COL7A1: variants seen among roughly 807,000 people sequenced by gnomAD.
COL7A1 encodes the protein collagen alpha-1(VII) chain.
A neutral mutation model predicts 456.2 loss-of-function variants in COL7A1; 296 were observed. That is an observed-to-expected ratio of 0.65 (90% CI 0.59 to 0.71). The LOEUF (loss-of-function observed/expected upper bound fraction) is 0.71. Among genes scored for constraint, COL7A1 ranks in the 30% least tolerant of loss-of-function variants. The probability of loss-of-function intolerance (pLI) is 0.00; values close to 1 mark genes in which losing one functional copy is unlikely to be tolerated. For synonymous variants in COL7A1, 1,464 were observed against 1,525.9 expected (o/e 0.96, Z 0.95); for missense variants, 3,441 against 4,017.2 (o/e 0.86, Z 3.88).
chr3:48,571,915 C>A lies in COL7A1; in HGVS notation c.7068+86G>T. On this transcript the variant is annotated intron_variant, in intron 92 of 118. Transcript: ENST00000681320. The surrounding 1 kb of genome is among the most constrained non-coding windows in gnomAD (Gnocchi z 4.6). The stretch of plus-strand genomic sequence containing the variant: ...ATGCAGCCCGACTCAGGGGCTCAGA[C>A]ATGTGCCCCGGCCCAAGAGTGGCCC... 1 of 1,502,896 alleles carries A rather than the reference C, an allele frequency of 6.7e-7. No homozygotes were observed. Among genetic ancestry groups the A allele is most frequent in the Admixed American group, 1.8e-5 (1 of 54,398 alleles). 93.1% of individuals were successfully genotyped at this position (1,502,896 alleles called of 1,614,324 possible). A position where few individuals can be genotyped will look rare whatever the true frequency, so the allele number is the denominator to read the frequency against.
rs1258657245 is a variant in COL7A1, at chr3:48,590,455, TG to T, written c.1906+3del. 8.7e-6 allele frequency: 14 copies of T among 1,614,118 alleles called. No individual in the cohort carries two copies. In the Middle Eastern group the frequency reaches 1.3e-3, roughly 152 times the overall value. On this transcript the variant is annotated splice_donor_region_variant and intron_variant, in intron 15 of 118. Coordinates refer to ENST00000681320, the MANE Select transcript of COL7A1 (RefSeq NM_000094.4). The surrounding 1 kb of genome is among the most constrained non-coding windows in gnomAD (Gnocchi z 4.6). Reference sequence around the variant, plus strand: ...GGCAGTCCCCCCACACACCCCACACTGACCACTGCCTGTGCTCCAGCTAATC... The same window carrying T: ...GGCAGTCCCCCCACACACCCCACACTACCACTGCCTGTGCTCCAGCTAATC...
Position 48,575,489 on chromosome 3 carries a change from G to C in COL7A1, c.6030C>G (p.Asp2010Glu). ...GERGLKGDRG[D>E]PGPQGPPGLA... is the part of the protein sequence containing the mutation. ...GACCAGGTGGCCCCTGAGGGCCAGG[G>C]TCTCCACGGTCGCCCTTCAGCCCGC... Residue 2010 changes from aspartate to glutamate, a missense_variant, in exon 74 of 119, where the codon GAC (aspartate) becomes GAG (glutamate). Physicochemically the swap from Asp to Glu is conservative, Grantham distance 45. Around this residue, in one of 3 missense-constraint regions of COL7A1, gnomAD observed 2,084 missense variants for 2,501.3 expected, o/e 0.83. Coordinates refer to ENST00000681320, the MANE Select transcript of COL7A1 (RefSeq NM_000094.4). The surrounding 1 kb of genome is among the most constrained non-coding windows in gnomAD (Gnocchi z 6.3). 1 of 1,612,282 alleles carries C rather than the reference G, an allele frequency of 6.2e-7. No individual in the cohort carries two copies. The highest frequency in any genetic ancestry group is 8.5e-7 in the Non-Finnish European group (1 of 1,179,710).
chr3:48,570,345 A>G lies in COL7A1; in HGVS notation c.7381-11T>C, dbSNP rs753671649. Reference sequence around the variant, plus strand: ...TACTCCAGGGTCTCCCTGGAGACCAACAGGACACCGGGGATCAGTGAGGGG... The same window carrying G: ...TACTCCAGGGTCTCCCTGGAGACCAGCAGGACACCGGGGATCAGTGAGGGG... On this transcript the variant is annotated splice_polypyrimidine_tract_variant and intron_variant, in intron 97 of 118. Coordinates refer to ENST00000681320, the MANE Select transcript of COL7A1 (RefSeq NM_000094.4). The surrounding 1 kb of genome is among the most constrained non-coding windows in gnomAD (Gnocchi z 5.5). 1.2e-6 allele frequency: 2 copies of G among 1,614,022 alleles called. No individual in the cohort carries two copies. The highest frequency in any genetic ancestry group is 1.7e-6 in the Non-Finnish European group (2 of 1,179,948).
In COL7A1 at chr3:48,579,483, T is replaced by C; in HGVS notation, c.5268A>G (p.Pro1756=). The part of the protein sequence containing the change: ...GIEGFRGPPG[P]QGDPGVRGPA... Reference sequence around the variant, plus strand: ...CGGGGCAAAGTGCATCACTCACCTGTGGGCCTGGGGGTCCCCGAAACCCTT... The same window carrying C: ...CGGGGCAAAGTGCATCACTCACCTGCGGGCCTGGGGGTCCCCGAAACCCTT... The change falls in exon 60 of 119, where the codon CCA becomes CCG. Residue 1756 remains proline (P), a synonymous_variant. Coordinates refer to ENST00000681320, the MANE Select transcript of COL7A1 (RefSeq NM_000094.4). The surrounding 1 kb of genome is among the most constrained non-coding windows in gnomAD (Gnocchi z 4.4). 2 of 1,614,080 alleles carry C rather than the reference T, an allele frequency of 1.2e-6. No individual in the cohort carries two copies. Among genetic ancestry groups the C allele is most frequent in the Non-Finnish European group, 1.7e-6 (2 of 1,179,996 alleles).
intron 71 of COL7A1, 81 bp downstream of exon 71, chr3:48,576,168 A>G: frequency 1.3e-6 from 2 of 1,596,054 alleles, no homozygotes; most frequent in Non-Finnish European, 1.7e-6. Context: ...ATGGAGCCTC[A>G]TGGCAAGGGG....
At position 48,587,989 on chromosome 3, in the gene COL7A1, C is replaced by T; in HGVS notation, c.2711-50G>A. ...CCAAGAGCATGTGGGATAGTGACAC[C>T]TGGGGGCATTAAAGGGCCTGCCCAC... On this transcript the variant is annotated intron_variant, in intron 21 of 118. Transcript: ENST00000681320. This position sits in a 1 kb window ranked among gnomAD's most constrained non-coding sequence, Gnocchi z 6.1. 1 of 1,544,076 alleles carries T rather than the reference C, an allele frequency of 6.5e-7. No homozygotes were observed.
chr3:48,583,864 G>C lies in COL7A1; in HGVS notation c.4278+36C>G, dbSNP rs538212483. The C allele has an allele frequency of 2.5e-6, 4 of 1,613,670 alleles. No homozygotes were observed. Among genetic ancestry groups the C allele is most frequent in the Non-Finnish European group, 2.5e-6 (3 of 1,179,826 alleles). The stretch of plus-strand genomic sequence containing the variant: ...TGCCCCAGGAGAGACCCACACCCCT[G>C]AGCAGGGCCCCCAGCAGAGCCTCAA... On this transcript the variant is annotated intron_variant, in intron 39 of 118. Coordinates refer to ENST00000681320, the MANE Select transcript of COL7A1 (RefSeq NM_000094.4). This position sits in a 1 kb window ranked among gnomAD's most constrained non-coding sequence, Gnocchi z 5.1.
rs1272923080 is a variant in COL7A1, at chr3:48,573,498, C to A, written c.6618+15G>T. The stretch of plus-strand genomic sequence containing the variant: ...TGAAGGAGCCTCCTCCTCCTATCCA[C>A]ACACCTAGACTCACCTTCAGGCCAG... On this transcript the variant is annotated intron_variant, in intron 83 of 118. Coordinates refer to ENST00000681320, the MANE Select transcript of COL7A1 (RefSeq NM_000094.4). This position sits in a 1 kb window ranked among gnomAD's most constrained non-coding sequence, Gnocchi z 5.5. The A allele has an allele frequency of 6.2e-7, 1 of 1,614,018 alleles. No individual in the cohort carries two copies. Among genetic ancestry groups the A allele is most frequent in the Admixed American group, 1.7e-5 (1 of 60,004 alleles).
rs1319444382 is a variant in COL7A1 at position 48,572,451 on chromosome 3, C to T, written c.6937-30G>A. The T allele has an allele frequency of 1.9e-6, 3 of 1,614,044 alleles. No homozygotes were observed. The East Asian group carries it at 6.7e-5, about 36-fold the overall frequency. On this transcript the variant is annotated intron_variant, in intron 89 of 118. Coordinates refer to ENST00000681320, the MANE Select transcript of COL7A1 (RefSeq NM_000094.4). The surrounding 1 kb of genome is among the most constrained non-coding windows in gnomAD (Gnocchi z 4.6). ...TAAGGGGGAGAGGTCAGTGGGATTC[C>T]TTGGCCCCCACCAGTTGACCCCCCC...
In COL7A1 at chr3:48,571,131, G is replaced by C. The variant is rs746891256; in HGVS notation, c.7134C>G (p.Ser2378=). 6.2e-7 allele frequency: 1 copy of C among 1,614,072 alleles called. No individual in the cohort carries two copies. Among genetic ancestry groups the C allele is most frequent in the Non-Finnish European group, 8.5e-7 (1 of 1,180,030 alleles). ...CACCTGGAGGGCCAGGAGGCCCAGGGGAGCCCGGGACCCCGACTCCTGGGT... is the reference window on the plus strand; with the variant it reads ...CACCTGGAGGGCCAGGAGGCCCAGGCGAGCCCGGGACCCCGACTCCTGGGT... ...KGDPGVGVPG[S]PGPPGPPGVK... is the part of the protein sequence containing the mutation. The change falls in exon 94 of 119, where the codon TCC becomes TCG. Residue 2378 remains serine, a synonymous_variant. Coordinates refer to ENST00000681320, the MANE Select transcript of COL7A1 (RefSeq NM_000094.4). This position sits in a 1 kb window ranked among gnomAD's most constrained non-coding sequence, Gnocchi z 4.6.
Position 48,574,266 on chromosome 3 carries a change from T to C in COL7A1, c.6497A>G (p.Lys2166Arg), listed in dbSNP as rs756368901. The C allele has an allele frequency of 4.3e-6, 7 of 1,614,022 alleles. No individual in the cohort carries two copies. In the East Asian group the frequency reaches 1.3e-4, roughly 31 times the overall value. Residue 2166 changes from lysine (K) to arginine (R), a missense_variant, in exon 80 of 119, where the codon AAG (lysine) becomes AGG (arginine). This residue lies in a region of COL7A1 where 2,084 missense variants were observed against 2,501.3 expected (regional missense o/e 0.83). Coordinates refer to ENST00000681320, the MANE Select transcript of COL7A1 (RefSeq NM_000094.4). The surrounding 1 kb of genome is among the most constrained non-coding windows in gnomAD (Gnocchi z 5.0). The stretch of plus-strand genomic sequence containing the variant: ...GGTGCTTCAGCCACCACTCACCGGC[T>C]TCCCTTCAGGCCCAGCCATACCACG... ...GERGMAGPEG[K>R]PGLQGPRGPP...
chr3:48,586,750 G>A lies in COL7A1; in HGVS notation c.3277-61C>T, dbSNP rs2045294764. ...GACAGAGCAGGGATGGGGGTGCACA[G>A]AGCCTGGAGAAACACATCAGGGTGT... On this transcript the variant is annotated intron_variant, in intron 25 of 118. Transcript: ENST00000681320. This position sits in a 1 kb window ranked among gnomAD's most constrained non-coding sequence, Gnocchi z 5.1. 3.2e-6 allele frequency: 5 copies of A among 1,546,140 alleles called. No individual in the cohort carries two copies. The African/African-American group carries it at 4.1e-5, about 13-fold the overall frequency.
In COL7A1 at chr3:48,590,041, A is replaced by G. The variant is rs1483098129; in HGVS notation, c.2050+172T>C. ...AGGAATCTGAATACGGGGAGGGCTT[A>G]AGGGGAGACAGCTGAAACTGAAGAG... is the stretch of plus-strand genomic sequence containing the variant. On this transcript the variant is annotated intron_variant, in intron 16 of 118. Coordinates refer to ENST00000681320, the MANE Select transcript of COL7A1 (RefSeq NM_000094.4). This position sits in a 1 kb window ranked among gnomAD's most constrained non-coding sequence, Gnocchi z 4.6. 6.6e-6 allele frequency among the ~76,000 whole-genome samples: 1 copy of G among 152,054 alleles called. No homozygotes were observed. The highest frequency in any genetic ancestry group is 1.5e-5 in the Non-Finnish European group (1 of 67,996).
At position 48,587,061 on chromosome 3, in the gene COL7A1, G is replaced by A. The variant is rs906583553; in HGVS notation, c.3187C>T (p.Gln1063Ter). ...GCCTCCGCACGGTGAGCATTGTCTT[G>A]AGTGGCATGTGGTAGGAACACCACA... ...ADVVFLPHAT[Q>*]DNAHRAEATR... is the part of the protein sequence containing the mutation. The change falls in exon 25 of 119, where the codon CAA becomes TAA. Residue 1063 changes from glutamine to a stop codon, truncating the protein, a stop_gained. Coordinates refer to ENST00000681320, the MANE Select transcript of COL7A1 (RefSeq NM_000094.4). LOFTEE classifies it high-confidence loss of function. The surrounding 1 kb of genome is among the most constrained non-coding windows in gnomAD (Gnocchi z 6.1). 1.2e-6 allele frequency: 2 copies of A among 1,610,534 alleles called. No individual in the cohort carries two copies. Among genetic ancestry groups the A allele is most frequent in the Non-Finnish European group, 1.7e-6 (2 of 1,178,510 alleles).
rs758328777 is a variant in COL7A1, at chr3:48,579,188, A to G, written c.5388+9T>C. ...AAGGGGACAACCAGGCAGGACTACC[A>G]AGACTCACATTCGGCCCAGAGGGCC... On this transcript the variant is annotated intron_variant, in intron 62 of 118. Transcript: ENST00000681320. The surrounding 1 kb of genome is among the most constrained non-coding windows in gnomAD (Gnocchi z 4.4). 1.9e-6 allele frequency: 3 copies of G among 1,613,022 alleles called. No individual in the cohort carries two copies. The highest frequency in any genetic ancestry group is 1.7e-6 in the Non-Finnish European group (2 of 1,179,958).
Position 48,571,023 on chromosome 3 carries a change from C to T in COL7A1, c.7165-55G>A. On this transcript the variant is annotated intron_variant, in intron 94 of 118. Transcript: ENST00000681320. The surrounding 1 kb of genome is among the most constrained non-coding windows in gnomAD (Gnocchi z 4.6). ...GGTCAATGCAGGACCCCTCCCAGGA[C>T]TCTCATCAGAACTCCCTCTTCCTCC... 1 of 1,611,940 alleles carries T rather than the reference C, an allele frequency of 6.2e-7. No homozygotes were observed. The highest frequency in any genetic ancestry group is 8.5e-7 in the Non-Finnish European group (1 of 1,178,318).
At position 48,586,214 on chromosome 3, in the gene COL7A1, C is replaced by T. The variant is rs367967575; in HGVS notation, c.3583G>A (p.Ala1195Thr). 6.2e-6 allele frequency: 10 copies of T among 1,613,518 alleles called. No individual in the cohort carries two copies. The African/African-American group carries it at 1.2e-4, about 19-fold the overall frequency. Reference protein sequence around the residue: ...LNVVMLGMAGADPEQLRRLAP... With the variant: ...LNVVMLGMAGTDPEQLRRLAP... Reference sequence around the variant, plus strand: ...AAGCGACGCAGCTGCTCTGGGTCCGCTCCAGCCATTCCCAACATCACCACA... The same window carrying T: ...AAGCGACGCAGCTGCTCTGGGTCCGTTCCAGCCATTCCCAACATCACCACA... The change falls in exon 28 of 119, where the codon GCG becomes ACG. Residue 1195 changes from alanine (A) to threonine (T), a missense_variant. Physicochemically the swap from Ala to Thr is moderately conservative, Grantham distance 58. This residue lies in a region of COL7A1 where 2,084 missense variants were observed against 2,501.3 expected (regional missense o/e 0.83). Transcript: ENST00000681320. The surrounding 1 kb of genome is among the most constrained non-coding windows in gnomAD (Gnocchi z 5.1).
chr3:48,583,823 C>A lies in COL7A1; in HGVS notation c.4279-43G>T. The A allele has an allele frequency of 6.2e-7, 1 of 1,613,504 alleles. No individual in the cohort carries two copies. The highest frequency in any genetic ancestry group is 8.5e-7 in the Non-Finnish European group (1 of 1,179,690). ...AAAATATGAGCCAAGAACTATGAAGCCCAGCACCCAACCACTGCCCCAGGA... is the reference window on the plus strand; with the variant it reads ...AAAATATGAGCCAAGAACTATGAAGACCAGCACCCAACCACTGCCCCAGGA... On this transcript the variant is annotated intron_variant, in intron 39 of 118. Transcript: ENST00000681320. The surrounding 1 kb of genome is among the most constrained non-coding windows in gnomAD (Gnocchi z 5.1).
rs372345936 is a variant in COL7A1 at position 48,579,820 on chromosome 3, G to C, written c.5125-6C>G. 5 of 1,614,064 alleles carry C rather than the reference G, an allele frequency of 3.1e-6. No homozygotes were observed. Among genetic ancestry groups the C allele is most frequent in the East Asian group, 2.2e-5 (1 of 44,872 alleles). On this transcript the variant is annotated splice_polypyrimidine_tract_variant and splice_region_variant and intron_variant, in intron 57 of 118. Transcript: ENST00000681320. The surrounding 1 kb of genome is among the most constrained non-coding windows in gnomAD (Gnocchi z 4.4). ...GCTCCAGGTCCTGTGTCTACCTGTGGGGGGAATGACCAGTGAGAAGAATGG... is the reference window on the plus strand; with the variant it reads ...GCTCCAGGTCCTGTGTCTACCTGTGCGGGGAATGACCAGTGAGAAGAATGG...
Sources: allele counts gnomAD v4.1 joint callset (sites outside exome capture counted in the v4.1 genomes callset), GRCh38; gene constraint gnomAD v4.1.1; regional missense constraint gnomAD v4.1.1; non-coding constraint Gnocchi (gnomAD v3.1); transcripts MANE v1.5; gene names NCBI Gene and HGNC (gene_info 2026-07-23, HGNC 2026-07-21).